Variants in EGFLAM observed in about 807,000 individuals in gnomAD.
The protein encoded by EGFLAM is pikachurin.
A neutral mutation model predicts 113.1 loss-of-function variants in EGFLAM; 79 were observed. The observed-to-expected ratio is 0.70, with a 90% CI of 0.58 to 0.84. The LOEUF (loss-of-function observed/expected upper bound fraction) is 0.84. Ranked by LOEUF, EGFLAM falls within the 40% of genes least tolerant of loss-of-function variation. The pLI, the probability that EGFLAM is intolerant of heterozygous loss-of-function variation, is 0.00. For synonymous variants in EGFLAM, 504 were observed against 487.6 expected, an observed-to-expected ratio of 1.03 and a Z score of -0.44; for missense variants, 1,265 against 1,291.6, an observed-to-expected ratio of 0.98 and a Z score of 0.32.
At chr5:38,392,783 A>G (rs1354312363) in intron 6 of EGFLAM, among the ~76,000 whole-genome samples, 1 of 152,188 alleles carries the variant, frequency 6.6e-6, no homozygotes, top group East Asian at 1.9e-4. Context: ...TGCTGCACCC[A>G]TTAACTCATC....
At chr5:38,294,656 G>GT (rs919916967) in intron 1 of EGFLAM, among the ~76,000 whole-genome samples, 2 of 151,540 alleles carry the variant, frequency 1.3e-5, no homozygotes, top group Non-Finnish European at 2.9e-5. Flanking sequence ...CATTTTCATT[G>GT]TTAAAAAAAA....
intron 1 of EGFLAM, among the ~76,000 whole-genome samples, chr5:38,325,125 A>G (rs1041044337): frequency 6.6e-6 from 1 of 152,076 alleles, no homozygotes; most frequent in Non-Finnish European, 1.5e-5. Flanking sequence ...ACTGGCAGGG[A>G]AGAGGGTATA....
intron 3 of EGFLAM, among the ~76,000 whole-genome samples, chr5:38,347,161 T>A (rs1478615616): frequency 6.6e-6 from 1 of 152,150 alleles, no homozygotes; most frequent in Non-Finnish European, 1.5e-5. Context: ...ACTGATGCTG[T>A]GAGTCAAGAT....
intron 17 of EGFLAM, chr5:38,445,805 A>G (rs1742689994): frequency 8.0e-7 from 1 of 1,247,886 alleles, no homozygotes; most frequent in Non-Finnish European, 1.2e-6. Flanking sequence ...GAGCTGGGAC[A>G]TGCCTACGCG....
chr5:38,391,867 C>T (rs1740821980), intron 6 of EGFLAM, among the ~76,000 whole-genome samples: 1 of 151,938 alleles, frequency 6.6e-6, no homozygotes, highest in African/African-American at 2.4e-5. Flanking sequence ...AACTCTACCT[C>T]CCAGGTTCAA....
intron 5 of EGFLAM, among the ~76,000 whole-genome samples, chr5:38,366,596 A>G (rs1740065593): frequency 6.6e-6 from 1 of 152,214 alleles, no homozygotes; most frequent in East Asian, 1.9e-4. Context: ...CAAGGTAGTC[A>G]AAACACCACA....
intron 19 of EGFLAM, among the ~76,000 whole-genome samples, chr5:38,454,158 T>C (rs1743009929): frequency 6.6e-6 from 1 of 152,164 alleles, no homozygotes; most frequent in African/African-American, 2.4e-5. Context: ...ACCACATCAA[T>C]GTCCCCGATG....
chr5:38,439,082 T>C (rs567426025), intron 17 of EGFLAM, among the ~76,000 whole-genome samples: 4 of 152,282 alleles, frequency 2.6e-5, no homozygotes, highest in Admixed American at 2.0e-4. Flanking sequence ...AGACAATGGA[T>C]CCAGAACATT....
At chr5:38,352,648 A>C (rs1306962293) in intron 5 of EGFLAM, among the ~76,000 whole-genome samples, 2 of 147,198 alleles carry the variant, frequency 1.4e-5, no homozygotes, top group African/African-American at 5.0e-5. Flanking sequence ...CTCCATCCCA[A>C]AAAAAAAAAA....
At chr5:38,373,503 G>A (rs914613960) in intron 6 of EGFLAM, among the ~76,000 whole-genome samples, 1 of 152,140 alleles carries the variant, frequency 6.6e-6, no homozygotes, top group Non-Finnish European at 1.5e-5. Context: ...TTGTAAGTGA[G>A]AGCATGCAGT....
chr5:38,368,602 CTTT>C (rs1740126848), intron 5 of EGFLAM, among the ~76,000 whole-genome samples: 1 of 152,148 alleles, frequency 6.6e-6, no homozygotes, highest in Admixed American at 6.5e-5. Context: ...ACAAACAGAA[CTTT>C]TTTGTTTCCT....
chr5:38,432,591 C>T (rs911813793), intron 15 of EGFLAM, among the ~76,000 whole-genome samples: 2 of 152,188 alleles, frequency 1.3e-5, no homozygotes, highest in Non-Finnish European at 1.5e-5. Flanking sequence ...AACATTCTAA[C>T]AGCCGACTTT....
intron 6 of EGFLAM, among the ~76,000 whole-genome samples, chr5:38,395,260 T>TTA (rs3047685): frequency 7.1e-6 from 1 of 140,786 alleles, no homozygotes; most frequent in African/African-American, 2.7e-5. Flanking sequence ...TTTTTTTTTT[T>TTA]AGAGACTGGG....
At chr5:38,381,674 G>A (rs1448849758) in intron 6 of EGFLAM, among the ~76,000 whole-genome samples, 1 of 152,150 alleles carries the variant, frequency 6.6e-6, no homozygotes, top group African/African-American at 2.4e-5. Context: ...TGTGTCCCAT[G>A]ATAACCTCAT....
At chr5:38,310,622 G>GA (rs879790371) in intron 1 of EGFLAM, among the ~76,000 whole-genome samples, 27 of 147,654 alleles carry the variant, frequency 1.8e-4, no homozygotes, top group Non-Finnish European at 3.1e-4. Flanking sequence ...CTCCCAAAAA[G>GA]AAAAAAAAAA....
At chr5:38,407,340 G>A (rs377425257) in intron 8 of EGFLAM, among the ~76,000 whole-genome samples, 194 bp downstream of exon 8, 1 of 152,210 alleles carries the variant, frequency 6.6e-6, no homozygotes, top group Admixed American at 6.5e-5. Flanking sequence ...GTAGACAGCA[G>A]CCCTATTTCT....
chr5:38,332,973 C>T (rs1442616631), intron 1 of EGFLAM, among the ~76,000 whole-genome samples: 1 of 152,188 alleles, frequency 6.6e-6, no homozygotes, highest in East Asian at 1.9e-4. Flanking sequence ...GTTCCCAACA[C>T]CCCAGCGTCT....
chr5:38,291,910 A>G (rs942487982), intron 1 of EGFLAM, among the ~76,000 whole-genome samples: 3 of 152,200 alleles, frequency 2.0e-5, no homozygotes, highest in African/African-American at 4.8e-5. Context: ...TTAGATTTCT[A>G]TTGCACTGCA....
intron 1 of EGFLAM, among the ~76,000 whole-genome samples, chr5:38,316,801 T>C (rs1374595519): frequency 1.3e-5 from 2 of 152,212 alleles, no homozygotes; most frequent in African/African-American, 4.8e-5. Flanking sequence ...GCCAGGCCAG[T>C]CTGCTCCTCA....
Sources: allele counts gnomAD v4.1 joint callset (sites outside exome capture counted in the v4.1 genomes callset), GRCh38; gene constraint gnomAD v4.1.1; transcripts MANE v1.5; gene names NCBI Gene and HGNC (gene_info 2026-07-23, HGNC 2026-07-21).